Variants in SLC4A7 observed in about 807,000 individuals in gnomAD.
The protein encoded by SLC4A7 is solute carrier family 4 member 7, also known as sodium bicarbonate cotransporter 3.
SLC4A7 carries 51 observed loss-of-function variants against 137.6 expected under a neutral mutation model. The observed-to-expected ratio is 0.37, with a 90% CI of 0.30 to 0.47. SLC4A7 has a LOEUF of 0.47. Among genes scored for constraint, SLC4A7 ranks in the 20% least tolerant of loss-of-function variants. The pLI is 1.00. For missense variants in SLC4A7, 1,247 were observed against 1,525.4 expected, an observed-to-expected ratio of 0.82 and a Z score of 3.04; for synonymous variants, 542 against 518.6, an observed-to-expected ratio of 1.05 and a Z score of -0.61.
chr3:27,411,691 G>T lies in SLC4A7; in HGVS notation c.1717C>A (p.Pro573Thr), dbSNP rs554297620. ...CCAGCATGATGAGCGGCCTCTTTAG[G>T]AGTCTCACCCAGTGTGGGGGTAGAT... ...NGSTPTLGET[P>T]KEAAHHAGPE... is the part of the protein sequence containing the mutation. Residue 573 changes from proline to threonine, a missense_variant, in exon 12 of 26, where the codon CCT becomes ACT. Pro to Thr is a conservative substitution (Grantham distance 38, BLOSUM62 -1). Around this residue, in one of 6 missense-constraint regions of SLC4A7, gnomAD observed 499 missense variants for 664.2 expected, o/e 0.75. Coordinates refer to ENST00000454389, the MANE Select transcript of SLC4A7 (RefSeq NM_001321103.2). 3.2e-6 allele frequency: 5 copies of T among 1,564,010 alleles called. No homozygotes were observed. In the Admixed American group the frequency reaches 9.0e-5, roughly 28 times the overall value.
intron 7 of SLC4A7, among the ~76,000 whole-genome samples, chr3:27,427,555 A>G (rs1220049351): frequency 1.3e-5 from 2 of 152,200 alleles, no homozygotes; most frequent in Non-Finnish European, 2.9e-5. Flanking sequence ...TATTATAGGT[A>G]TGCACAAATT....
At chr3:27,405,744 T>G (rs139368631) in intron 13 of SLC4A7, among the ~76,000 whole-genome samples, 535 of 152,168 alleles carry the variant, frequency 3.5e-3, no homozygotes, top group African/African-American at 0.012. Flanking sequence ...AACTGAAATA[T>G]TTAACAAAAT....
chr3:27,395,595 T>G (rs1003563957), intron 18 of SLC4A7, among the ~76,000 whole-genome samples: 12 of 152,264 alleles, frequency 7.9e-5, no homozygotes, highest in African/African-American at 2.9e-4. Flanking sequence ...AGGCAACTAT[T>G]CCAGCTGTTT....
intron 1 of SLC4A7, among the ~76,000 whole-genome samples, chr3:27,460,636 T>C (rs754069675): frequency 6.6e-6 from 1 of 152,218 alleles, no homozygotes; most frequent in Non-Finnish European, 1.5e-5. Context: ...TGAGTGATGT[T>C]CAGCTCATAT....
chr3:27,473,633 G>A (rs996372145), intron 1 of SLC4A7, among the ~76,000 whole-genome samples: 13 of 150,466 alleles, frequency 8.6e-5, no homozygotes, highest in Admixed American at 2.0e-4. Context: ...GTTTGAGCCC[G>A]GGGGGTGGAG....
Position 27,397,572 on chromosome 3 carries a change from C to G in SLC4A7, c.2703+112G>C, listed in dbSNP as rs968776679. 3.1e-5 allele frequency: 20 copies of G among 644,136 alleles called. 1 individual carries two copies. The highest frequency in any genetic ancestry group is 4.4e-5 in the Non-Finnish European group (16 of 362,124). The allele number at this position is 644,136 out of a possible 1,614,324, so 39.9% of individuals were successfully genotyped here. On this transcript the variant is annotated intron_variant, in intron 18 of 25. Coordinates refer to ENST00000454389, the MANE Select transcript of SLC4A7 (RefSeq NM_001321103.2). ...AATTATTTCCTTTCAAAGCATCAGC[C>G]CTTCAAAGAGACTACATACTTTTAA...
chr3:27,392,757 C>CAG (rs1165119637), intron 20 of SLC4A7, among the ~76,000 whole-genome samples: 15 of 151,636 alleles, frequency 9.9e-5, no homozygotes, highest in African/African-American at 3.2e-4. Context: ...ACCCAGGAGG[C>CAG]AGAGGTTGCA....
At chr3:27,383,098 T>G (rs2050584662) in intron 24 of SLC4A7, 55 bp downstream of exon 24, 2 of 978,992 alleles carry the variant, frequency 2.0e-6, no homozygotes, top group East Asian at 4.8e-5. Context: ...TTATATGACT[T>G]ATTAATACAT....
intron 24 of SLC4A7, among the ~76,000 whole-genome samples, chr3:27,381,869 T>A (rs541905358): frequency 6.6e-6 from 1 of 152,204 alleles, no homozygotes; most frequent in Non-Finnish European, 1.5e-5. Context: ...GCGGATCACC[T>A]GAGGGCAGGA....
At chr3:27,448,528 C>A in intron 3 of SLC4A7, 123 bp downstream of exon 3, 2 of 693,746 alleles carry the variant, frequency 2.9e-6, no homozygotes, top group South Asian at 2.3e-5. Flanking sequence ...CAATACATTC[C>A]CCATACAATG....
chr3:27,391,457 T>A (rs1432107158), intron 21 of SLC4A7, among the ~76,000 whole-genome samples: 2 of 152,200 alleles, frequency 1.3e-5, no homozygotes, highest in African/African-American at 4.8e-5. Context: ...ATCCTTTTGA[T>A]CCTCCCTCTC....
chr3:27,459,199 AAAG>A (rs1237566576), intron 1 of SLC4A7, among the ~76,000 whole-genome samples: 1 of 152,164 alleles, frequency 6.6e-6, no homozygotes, highest in Non-Finnish European at 1.5e-5. Context: ...CCCAGAGGGA[AAAG>A]AAGAAGAAAC....
At position 27,470,641 on chromosome 3, in the gene SLC4A7, T is replaced by C. The variant is rs199906069; in HGVS notation, c.60+13426A>G. ...CTCATGGGCAGAGTAGCTCCAACTT[T>C]AAAAAAAAAAAAAAAAAACAGCCAG... is the stretch of plus-strand genomic sequence containing the variant. On this transcript the variant is annotated intron_variant, in intron 1 of 25. Transcript: ENST00000454389. Among the ~76,000 whole-genome samples the C allele has an allele frequency of 4.3e-5, 5 of 115,716 alleles. No individual in the cohort carries two copies. In the South Asian group the frequency reaches 1.4e-3, roughly 33 times the overall value. 75.9% of individuals were successfully genotyped at this position (115,716 alleles called of 152,430 possible). A position where few individuals can be genotyped will look rare whatever the true frequency, so the allele number is the denominator to read the frequency against.
intron 1 of SLC4A7, among the ~76,000 whole-genome samples, chr3:27,463,660 TGGG>T (rs2058818268): frequency 6.6e-6 from 1 of 152,024 alleles, no homozygotes; most frequent in Non-Finnish European, 1.5e-5. Flanking sequence ...GGGATGAGGA[TGGG>T]GTGGAGCCGC....
intron 11 of SLC4A7, among the ~76,000 whole-genome samples, chr3:27,415,657 C>A (rs1022550977): frequency 1.3e-5 from 2 of 152,184 alleles, no homozygotes; most frequent in African/African-American, 4.8e-5. Flanking sequence ...ATTTTTTAAG[C>A]CAAACTTCTT....
chr3:27,424,224 G>GA lies in SLC4A7; in HGVS notation c.1151-73dup, dbSNP rs373719811. Reference sequence around the variant, plus strand: ...TGCAACCTGATTCTGCTCACATTCTGAAAGTGATGATTTATGAATATTATA... The same window carrying GA: ...TGCAACCTGATTCTGCTCACATTCTGAAAAGTGATGATTTATGAATATTATA... On this transcript the variant is annotated intron_variant, in intron 7 of 25. Coordinates refer to ENST00000454389, the MANE Select transcript of SLC4A7 (RefSeq NM_001321103.2). The GA allele has an allele frequency of 2.2e-4, 159 of 725,838 alleles. No homozygotes were observed. In the African/African-American group the frequency reaches 2.5e-3, roughly 11 times the overall value. 45.0% of individuals were successfully genotyped at this position (725,838 alleles called of 1,614,324 possible).
rs2054988186 is a variant in SLC4A7 at position 27,421,603 on chromosome 3, C to G, written c.1424+19G>C. 1 of 1,588,404 alleles carries G rather than the reference C, an allele frequency of 6.3e-7. No individual in the cohort carries two copies. Among genetic ancestry groups the G allele is most frequent in the Non-Finnish European group, 8.6e-7 (1 of 1,166,174 alleles). On this transcript the variant is annotated intron_variant, in intron 9 of 25. Transcript: ENST00000454389. ...TTTTGAAAATGCTTAGAGAATGTTACTTGGAACTAACTCTTTACCTGGTTG... is the reference window on the plus strand; with the variant it reads ...TTTTGAAAATGCTTAGAGAATGTTAGTTGGAACTAACTCTTTACCTGGTTG...
chr3:27,404,941 C>T lies in SLC4A7; in HGVS notation c.1964G>A (p.Gly655Glu). The change falls in exon 14 of 26, where the codon GGA (glycine) becomes GAA (glutamate). Residue 655 changes from glycine to glutamate, a missense_variant. Physicochemically the swap from Gly to Glu is moderately conservative, Grantham distance 98 (BLOSUM62 -2). Coordinates refer to ENST00000454389, the MANE Select transcript of SLC4A7 (RefSeq NM_001321103.2). ...ATAGGCAATCCCAGTTAATGATGCTCCAAAAAGAGACTCTATTGCACTCTG... is the reference window on the plus strand; with the variant it reads ...ATAGGCAATCCCAGTTAATGATGCTTCAAAAAGAGACTCTATTGCACTCTG... Reference protein sequence around the residue: ...GRISAIESLFGASLTGIAYSL... With the variant: ...GRISAIESLFEASLTGIAYSL... The T allele has an allele frequency of 6.2e-7, 1 of 1,600,430 alleles. No individual in the cohort carries two copies. The highest frequency in any genetic ancestry group is 1.4e-5 in the African/African-American group (1 of 73,684).
intron 1 of SLC4A7, among the ~76,000 whole-genome samples, chr3:27,460,812 T>C (rs2058659288): frequency 1.3e-5 from 2 of 152,194 alleles, no homozygotes; most frequent in Non-Finnish European, 2.9e-5. Context: ...AAGAATCTAG[T>C]GCTGTTGACC....
Sources: allele counts gnomAD v4.1 joint callset (sites outside exome capture counted in the v4.1 genomes callset), GRCh38; gene constraint gnomAD v4.1.1; regional missense constraint gnomAD v4.1.1; transcripts MANE v1.5; gene names NCBI Gene and HGNC (gene_info 2026-07-23, HGNC 2026-07-21).